Variants in MEGF8 observed in about 807,000 individuals in gnomAD.
The protein encoded by MEGF8 is multiple EGF like domains 8.
In MEGF8, 156 loss-of-function variants were observed where a neutral mutation model predicts 302.9. The ratio of observed to expected loss-of-function variants is 0.52; its 90% CI spans 0.45 to 0.59. The LOEUF (loss-of-function observed/expected upper bound fraction) is 0.59. MEGF8 is among the 20% of genes least tolerant of loss of function. The pLI, the probability that MEGF8 is intolerant of heterozygous loss-of-function variation, is 0.00. For synonymous variants in MEGF8, 1,621 were observed against 1,660.5 expected, an observed-to-expected ratio of 0.98 and a Z score of 0.58; for missense variants, 3,345 against 3,964.5, an observed-to-expected ratio of 0.84 and a Z score of 4.20.
Position 42,357,292 on chromosome 19 carries a change from A to C in MEGF8, c.4831-112A>C. 1 of 1,327,594 alleles carries C rather than the reference A, an allele frequency of 7.5e-7. No homozygotes were observed. The highest frequency in any genetic ancestry group is 1.0e-6 in the Non-Finnish European group (1 of 964,628). 82.2% of individuals were successfully genotyped at this position (1,327,594 alleles called of 1,614,324 possible). ...TGGTCCGACTGGCCCTGGGGGGGTC[A>C]TTCCCTCCTTAGTACTTCAGGGAGG... On this transcript the variant is annotated intron_variant, in intron 27 of 41. Coordinates refer to ENST00000251268, the MANE Select transcript of MEGF8 (RefSeq NM_001271938.2). This position sits in a 1 kb window ranked among gnomAD's most constrained non-coding sequence, Gnocchi z 5.2.
intron 8 of MEGF8, 130 bp from the exon 9 acceptor site, chr19:42,343,347 C>A: frequency 1.0e-6 from 1 of 996,364 alleles, no homozygotes; most frequent in Middle Eastern, 2.9e-4. Flanking sequence ...GGGAGAGTGT[C>A]CTTGGGCAGG....
Position 42,334,044 on chromosome 19 carries a change from T to G in MEGF8, c.389T>G (p.Leu130Arg). Reference sequence around the variant, plus strand: ...CTCTTCAGTGATGCCAACTACAACCTGCTGGGCTTTAACGCCTCATTCCGC... The same window carrying G: ...CTCTTCAGTGATGCCAACTACAACCGGCTGGGCTTTAACGCCTCATTCCGC... The part of the protein sequence containing the change: ...LHLFSDANYN[L>R]LGFNASFRFS... Residue 130 changes from leucine (L) to arginine (R), a missense_variant, in exon 3 of 42, where the codon CTG becomes CGG. Leu to Arg is a moderately radical substitution (Grantham distance 102, BLOSUM62 -2). Coordinates refer to ENST00000251268, the MANE Select transcript of MEGF8 (RefSeq NM_001271938.2). 6.2e-7 allele frequency: 1 copy of G among 1,613,840 alleles called. No individual in the cohort carries two copies. Among genetic ancestry groups the G allele is most frequent in the Non-Finnish European group, 8.5e-7 (1 of 1,179,846 alleles).
Position 42,370,757 on chromosome 19 carries a change from C to T in MEGF8, c.7062C>T (p.Cys2354=), listed in dbSNP as rs149439392. The T allele has an allele frequency of 3.6e-5, 57 of 1,574,862 alleles. No individual in the cohort carries two copies. Among genetic ancestry groups the T allele is most frequent in the Non-Finnish European group, 4.5e-5 (52 of 1,160,488 alleles). The change falls in exon 40 of 42, where the codon TGC becomes TGT. Residue 2354 remains cysteine, a synonymous_variant. Coordinates refer to ENST00000251268, the MANE Select transcript of MEGF8 (RefSeq NM_001271938.2). The stretch of plus-strand genomic sequence containing the variant: ...AAGACGAGGCCGTGTGCGTGAACTG[C>T]CAGAATAACAGCTATGGGGAGAAAT... ...PSEDEAVCVN[C]QNNSYGEKCE...
In MEGF8 at chr19:42,370,774, G is replaced by C. The variant is rs2039675106; in HGVS notation, c.7079G>C (p.Gly2360Ala). The C allele has an allele frequency of 3.8e-6, 6 of 1,560,062 alleles. No homozygotes were observed. Among genetic ancestry groups the C allele is most frequent in the Non-Finnish European group, 5.2e-6 (6 of 1,150,770 alleles). ...VCVNCQNNSY[G>A]EKCESCLQGY... ...GTGAACTGCCAGAATAACAGCTATG[G>C]GGAGAAATGCGAGAGCTGCCTGCAG... Residue 2360 changes from glycine (G) to alanine (A), a missense_variant, in exon 40 of 42, where the codon GGG becomes GCG. Transcript: ENST00000251268.
Position 42,360,786 on chromosome 19 carries a change from G to A in MEGF8, c.5500G>A (p.Val1834Met). 6.3e-7 allele frequency: 1 copy of A among 1,589,654 alleles called. No individual in the cohort carries two copies. ...CCATCTTTCCTCAGGCTCGGCCTCT[G>A]TGGGGCCCCCAATGGAGGAGTCTGT... ...LLPDLTRSAS[V>M]GPPMEESVAH... The change falls in exon 32 of 42, where the codon GTG (valine) becomes ATG (methionine). Residue 1834 changes from valine to methionine, a missense_variant. Physicochemically the swap from Val to Met is conservative, Grantham distance 21. Transcript: ENST00000251268.
chr19:42,348,027 A>T (rs962886424), intron 12 of MEGF8, among the ~76,000 whole-genome samples: 1 of 152,186 alleles, frequency 6.6e-6, no homozygotes, highest in Non-Finnish European at 1.5e-5. Flanking sequence ...TTAATGTGAG[A>T]TGGAAATGGC....
rs1430973415 is a variant in MEGF8 at position 42,375,686 on chromosome 19, A to G, written c.7449A>G (p.Lys2483=). 1.2e-6 allele frequency: 2 copies of G among 1,610,624 alleles called. No individual in the cohort carries two copies. The highest frequency in any genetic ancestry group is 4.5e-5 in the East Asian group (2 of 44,798). ...CTGTCCTCTTTGGCGTGCAGCCCAA[A>G]TTCACCAACGTGGACATCCGCCTGA... ...GRTVLFGVQP[K]FTNVDIRLTL... Residue 2483 remains lysine (K), a synonymous_variant, in exon 42 of 42, where the codon AAA becomes AAG. Transcript: ENST00000251268. The surrounding 1 kb of genome is among the most constrained non-coding windows in gnomAD (Gnocchi z 7.1).
Position 42,357,268 on chromosome 19 carries a change from G to A in MEGF8, c.4831-136G>A. 1 of 1,098,440 alleles carries A rather than the reference G, an allele frequency of 9.1e-7. No homozygotes were observed. The highest frequency in any genetic ancestry group is 1.3e-6 in the Non-Finnish European group (1 of 772,664). 68.0% of individuals were successfully genotyped at this position (1,098,440 alleles called of 1,614,324 possible). On this transcript the variant is annotated intron_variant, in intron 27 of 41. Transcript: ENST00000251268. This position sits in a 1 kb window ranked among gnomAD's most constrained non-coding sequence, Gnocchi z 5.2. The stretch of plus-strand genomic sequence containing the variant: ...CTGTGCCTCTGCCAGGACCCAGGCT[G>A]GTCCGACTGGCCCTGGGGGGGTCAT...
Position 42,376,331 on chromosome 19 carries a change from C to G in MEGF8, c.8094C>G (p.Ala2698=), listed in dbSNP as rs2039769889. 1 of 1,613,714 alleles carries G rather than the reference C, an allele frequency of 6.2e-7. No homozygotes were observed. Reference sequence around the variant, plus strand: ...CCAAGATGGCCAGCCGCCCCTTCGCCAAGGTCACCGTCTGCTTCCCACCTG... The same window carrying G: ...CCAAGATGGCCAGCCGCCCCTTCGCGAAGGTCACCGTCTGCTTCCCACCTG... ...EMTKMASRPF[A]KVTVCFPPDP... Residue 2698 remains alanine (A), a synonymous_variant, in exon 42 of 42, where the codon GCC becomes GCG. Coordinates refer to ENST00000251268, the MANE Select transcript of MEGF8 (RefSeq NM_001271938.2). This position sits in a 1 kb window ranked among gnomAD's most constrained non-coding sequence, Gnocchi z 8.2.
At position 42,335,361 on chromosome 19, in the gene MEGF8, G is replaced by A; in HGVS notation, c.804G>A (p.Glu268=). 1.2e-6 allele frequency: 2 copies of A among 1,614,014 alleles called. No homozygotes were observed. Among genetic ancestry groups the A allele is most frequent in the Non-Finnish European group, 1.7e-6 (2 of 1,179,882 alleles). ...ACAACTTCTCCGCCAACACCTGGGAGTCTTGGGACCTGAGTCCTGCCCCGG... is the reference window on the plus strand; with the variant it reads ...ACAACTTCTCCGCCAACACCTGGGAATCTTGGGACCTGAGTCCTGCCCCGG... ...VLYNFSANTW[E]SWDLSPAPAA... The change falls in exon 5 of 42, where the codon GAG becomes GAA. Residue 268 remains glutamate (E), a synonymous_variant. Transcript: ENST00000251268.
chr19:42,335,755 C>T lies in MEGF8; in HGVS notation c.829-176C>T, dbSNP rs75204409. Among the ~76,000 whole-genome samples the T allele has an allele frequency of 5.5e-3, 838 of 152,258 alleles. 6 individuals are homozygous for T. The highest frequency in any genetic ancestry group is 0.019 in the African/African-American group (791 of 41,530). On this transcript the variant is annotated intron_variant, in intron 5 of 41. Transcript: ENST00000251268. ...CTTTTCTCTCTCTTATTGTATTTCT[C>T]TGTTTCTATGAGTCTGTCTCTTCTT...
chr19:42,351,349 G>A lies in MEGF8; in HGVS notation c.2855+15G>A, dbSNP rs768227262. 1.2e-5 allele frequency: 19 copies of A among 1,567,258 alleles called. No individual in the cohort carries two copies. In the East Asian group the frequency reaches 4.0e-4, roughly 33 times the overall value. On this transcript the variant is annotated intron_variant, in intron 16 of 41. Transcript: ENST00000251268. This position sits in a 1 kb window ranked among gnomAD's most constrained non-coding sequence, Gnocchi z 5.6. ...CTCTGCAGCCAGTGAGTCAGGCTGG[G>A]TGCAGGGAGTGGGTGGGTGGATGTG...
intron 1 of MEGF8, among the ~76,000 whole-genome samples, chr19:42,327,854 GGAGGCC>G (rs1334197302): frequency 6.6e-6 from 1 of 152,212 alleles, no homozygotes; most frequent in African/African-American, 2.4e-5. Flanking sequence ...CAGCACTTTG[GGAGGCC>G]GAGGCCGGCA....
rs1314753512 is a variant in MEGF8 at position 42,342,191 on chromosome 19, G to A, written c.1514-1286G>A. ...GTTTCTGGAGGCCTCTTCCTGCTTC[G>A]CAGTTTGTGATTACCTGGGCCAAGT... On this transcript the variant is annotated intron_variant, in intron 8 of 41. Coordinates refer to ENST00000251268, the MANE Select transcript of MEGF8 (RefSeq NM_001271938.2). Among the ~76,000 whole-genome samples the A allele has an allele frequency of 2.6e-5, 4 of 152,166 alleles. No individual in the cohort carries two copies. In the South Asian group the frequency reaches 6.2e-4, roughly 24 times the overall value.
intron 13 of MEGF8, 104 bp downstream of exon 13, chr19:42,348,576 G>C: frequency 1.7e-6 from 2 of 1,157,946 alleles, no homozygotes; most frequent in Admixed American, 2.9e-5. Flanking sequence ...GGAAGGGCTG[G>C]GGAGAAATTA....
chr19:42,369,427 A>T lies in MEGF8; in HGVS notation c.6642-104A>T. ...AAGATAGCAACGGGACAGAGCAGGGATGAGCAACCAGTTGAGAAGAGGGTG... is the reference window on the plus strand; with the variant it reads ...AAGATAGCAACGGGACAGAGCAGGGTTGAGCAACCAGTTGAGAAGAGGGTG... On this transcript the variant is annotated intron_variant, in intron 37 of 41. Coordinates refer to ENST00000251268, the MANE Select transcript of MEGF8 (RefSeq NM_001271938.2). The surrounding 1 kb of genome is among the most constrained non-coding windows in gnomAD (Gnocchi z 5.7). 1 of 1,215,278 alleles carries T rather than the reference A, an allele frequency of 8.2e-7. No individual in the cohort carries two copies. The highest frequency in any genetic ancestry group is 1.4e-5 in the South Asian group (1 of 71,714). 75.3% of individuals were successfully genotyped at this position (1,215,278 alleles called of 1,614,324 possible).
At chr19:42,332,048 G>A (rs527802022) in intron 1 of MEGF8, among the ~76,000 whole-genome samples, 1 of 152,010 alleles carries the variant, frequency 6.6e-6, no homozygotes, top group African/African-American at 2.4e-5. Context: ...TAAGAGACAG[G>A]GTTTCACCAT....
intron 13 of MEGF8, among the ~76,000 whole-genome samples, chr19:42,348,717 A>G (rs1342198430): frequency 6.6e-6 from 1 of 152,194 alleles, no homozygotes; most frequent in African/African-American, 2.4e-5. Context: ...CTTCTGCCTC[A>G]GCCTCCCACG....
In MEGF8 at chr19:42,344,759, G is replaced by A. The variant is rs374100226; in HGVS notation, c.2023G>A (p.Val675Ile). The A allele has an allele frequency of 4.5e-5, 72 of 1,611,996 alleles. No homozygotes were observed. The highest frequency in any genetic ancestry group is 3.3e-4 in the Middle Eastern group (2 of 6,018). ...CTTCGTCACGTCCCTGGAGGCCTGC[G>A]TCACCCAGAGCTTCCTGCCTGGCCT... ...PVFVTSLEAC[V>I]TQSFLPGLHL... The change falls in exon 12 of 42, where the codon GTC becomes ATC. Residue 675 changes from valine (V) to isoleucine (I), a missense_variant. Coordinates refer to ENST00000251268, the MANE Select transcript of MEGF8 (RefSeq NM_001271938.2). This position sits in a 1 kb window ranked among gnomAD's most constrained non-coding sequence, Gnocchi z 4.5.
Sources: gnomAD v4.1 joint callset for allele counts (sites outside exome capture counted in the v4.1 genomes callset) on GRCh38, gnomAD v4.1.1 for gene constraint, Gnocchi (gnomAD v3.1) non-coding constraint, MANE v1.5 for transcripts, NCBI Gene and HGNC (gene_info 2026-07-23, HGNC 2026-07-21) for gene names.